DNA2: variants seen among roughly 807,000 people sequenced by gnomAD.
DNA2 encodes DNA replication helicase/nuclease 2.
Under a neutral mutation model 119.1 loss-of-function variants are expected in DNA2, and 101 were observed. The observed-to-expected ratio is 0.85, with a 90% CI of 0.72 to 1.00. The LOEUF (loss-of-function observed/expected upper bound fraction) is 1.00, where lower values mean the gene tolerates loss of function less well. Ranked by LOEUF, DNA2 falls within the 50% of genes least tolerant of loss-of-function variation. The pLI, the probability that DNA2 is intolerant of heterozygous loss-of-function variation, is 0.00. For synonymous variants in DNA2, 366 were observed against 424.4 expected (o/e 0.86, Z 1.69); for missense variants, 1,121 against 1,255.5 (o/e 0.89, Z 1.62).
chr10:68,471,996 A>T, upstream of DNA2: 1 of 1,610,244 alleles, frequency 6.2e-7, no homozygotes, highest in Non-Finnish European at 8.5e-7. Context: ...AGATGTCCCA[A>T]ATGACCTGCG....
At chr10:68,428,303 G>A (rs1314461916) in intron 14 of DNA2, among the ~76,000 whole-genome samples, 1 of 152,128 alleles carries the variant, frequency 6.6e-6, no homozygotes, top group African/African-American at 2.4e-5. Context: ...TCCAGCCTGG[G>A]GGACAAAGCG....
At chr10:68,471,269 T>C (rs1234174179) in intron 1 of DNA2, among the ~76,000 whole-genome samples, 1 of 152,226 alleles carries the variant, frequency 6.6e-6, no homozygotes, top group Admixed American at 6.5e-5. Flanking sequence ...AGATTGGCTA[T>C]GATGCCTTAA....
At chr10:68,438,266 C>A (rs767101660) in intron 9 of DNA2, among the ~76,000 whole-genome samples, 1 of 152,024 alleles carries the variant, frequency 6.6e-6, no homozygotes, top group Non-Finnish European at 1.5e-5. Context: ...ACGCCTGTAA[C>A]CCTAGCATTT....
chr10:68,440,311 T>G (rs2051951601), intron 9 of DNA2, among the ~76,000 whole-genome samples: 1 of 152,002 alleles, frequency 6.6e-6, no homozygotes, highest in African/African-American at 2.4e-5. Context: ...TATTTATTTA[T>G]TTTTTTGAGA....
rs1205522976 is a variant in DNA2, at chr10:68,422,603, C to T, written c.2404G>A (p.Ala802Thr). 1.9e-6 allele frequency: 3 copies of T among 1,613,846 alleles called. No individual in the cohort carries two copies. The Admixed American group carries it at 5.0e-5, about 27-fold the overall frequency. ...AATAAGCTTTCACTCATGCCAAGAGCTCTGTCAATAAATCAGATTCATGTT... is the reference window on the plus strand; with the variant it reads ...AATAAGCTTTCACTCATGCCAAGAGTTCTGTCAATAAATCAGATTCATGTT... ...PPLVLNREARALGMSESLFKR... is the reference protein window; with the variant it reads ...PPLVLNREARTLGMSESLFKR... Residue 802 changes from alanine (A) to threonine (T), a missense_variant and splice_region_variant, in exon 16 of 21, where the codon GCT becomes ACT. Transcript: ENST00000358410.
chr10:68,445,948 G>A (rs769422890), intron 7 of DNA2, among the ~76,000 whole-genome samples: 10 of 151,960 alleles, frequency 6.6e-5, no homozygotes, highest in Non-Finnish European at 1.5e-4. Flanking sequence ...CCAACATGGC[G>A]AAACCCCATC....
At chr10:68,464,440 G>A (rs1263398849) in intron 4 of DNA2, among the ~76,000 whole-genome samples, 1 of 151,806 alleles carries the variant, frequency 6.6e-6, no homozygotes, top group Non-Finnish European at 1.5e-5. Context: ...GCTTGAACCC[G>A]GGAGGTAGAG....
At chr10:68,460,490 G>A (rs961000854) in intron 4 of DNA2, among the ~76,000 whole-genome samples, 4 of 150,856 alleles carry the variant, frequency 2.7e-5, no homozygotes, top group African/African-American at 7.3e-5. Context: ...TCACTGCAAC[G>A]TTTGCCTCCC....
intron 4 of DNA2, among the ~76,000 whole-genome samples, chr10:68,460,108 T>C (rs1406288535): frequency 6.6e-6 from 1 of 151,878 alleles, no homozygotes; most frequent in Non-Finnish European, 1.5e-5. Flanking sequence ...TTTTTCTCTT[T>C]TCTTTTTTTA....
intron 14 of DNA2, 149 bp downstream of exon 14, chr10:68,430,287 T>C: frequency 1.6e-6 from 1 of 633,028 alleles, no homozygotes; most frequent in Non-Finnish European, 2.7e-6. Flanking sequence ...AATAGCAAAC[T>C]ATAAGTTAAT....
At chr10:68,466,037 T>C (rs2052323345) in intron 3 of DNA2, among the ~76,000 whole-genome samples, 1 of 152,158 alleles carries the variant, frequency 6.6e-6, no homozygotes, top group Non-Finnish European at 1.5e-5. Context: ...TTTTTCTTTT[T>C]TGAGACAGAG....
chr10:68,445,785 TTAA>T (rs776268042), intron 7 of DNA2, among the ~76,000 whole-genome samples: 40 of 152,094 alleles, frequency 2.6e-4, no homozygotes, highest in Non-Finnish European at 5.6e-4. Context: ...TTTTAAAAGA[TTAA>T]TAATGTTTTC....
chr10:68,469,874 C>A, intron 2 of DNA2, 107 bp downstream of exon 2: 1 of 1,003,394 alleles, frequency 1.0e-6, no homozygotes, highest in South Asian at 1.9e-5. Context: ...CAAACCTACT[C>A]CCTTTTAAAC....
chr10:68,450,739 A>T (rs1201107276), intron 5 of DNA2, among the ~76,000 whole-genome samples: 1 of 152,222 alleles, frequency 6.6e-6, no homozygotes, highest in East Asian at 1.9e-4. Flanking sequence ...TACAATTATT[A>T]CGCAAATTAG....
At chr10:68,467,200 G>A (rs1430748035) in intron 3 of DNA2, among the ~76,000 whole-genome samples, 2 of 151,332 alleles carry the variant, frequency 1.3e-5, no homozygotes, top group Non-Finnish European at 2.9e-5. Flanking sequence ...TGCAACCTCC[G>A]CCTCCAGGGT....
intron 9 of DNA2, among the ~76,000 whole-genome samples, chr10:68,441,758 G>A (rs7900075): frequency 0.046 from 7,064 of 152,142 alleles, 535 homozygotes; most frequent in African/African-American, 0.16. Context: ...CTGGGTGACA[G>A]AGTGAGATTC....
At position 68,452,932 on chromosome 10, in the gene DNA2, G is replaced by A. The variant is rs151218610; in HGVS notation, c.720-2685C>T. On this transcript the variant is annotated intron_variant, in intron 5 of 20. Transcript: ENST00000358410. ...TTTTTTTTTTTTGAGATGGAATCTC[G>A]CTCTGTCGCAGAGGCTGGAGTATAG... 8.5e-3 allele frequency among the ~76,000 whole-genome samples: 1,245 copies of A among 146,834 alleles called. 20 individuals carry two copies. The highest frequency in any genetic ancestry group is 0.029 in the African/African-American group (1,155 of 39,756).
intron 12 of DNA2, 116 bp from the exon 13 acceptor site, chr10:68,432,087 TC>T: frequency 1.8e-6 from 2 of 1,113,650 alleles, no homozygotes; most frequent in Non-Finnish European, 2.6e-6. Context: ...CAAAACCATT[TC>T]CAAAGAGTCT....
intron 6 of DNA2, among the ~76,000 whole-genome samples, chr10:68,449,172 A>G (rs1291046540): frequency 6.6e-6 from 1 of 152,150 alleles, no homozygotes. Flanking sequence ...TTAAAAATCA[A>G]TTAAAAATTT....
Sources: allele counts gnomAD v4.1 joint callset (sites outside exome capture counted in the v4.1 genomes callset), GRCh38; gene constraint gnomAD v4.1.1; transcripts MANE v1.5; gene names NCBI Gene and HGNC (gene_info 2026-07-23, HGNC 2026-07-21).